Variants in SDK1 observed in about 807,000 individuals in gnomAD.
SDK1 encodes sidekick cell adhesion molecule 1.
SDK1 carries 157 observed loss-of-function variants against 245.5 expected under a neutral mutation model. That is an observed-to-expected ratio of 0.64 (90% CI 0.56 to 0.73). The LOEUF (loss-of-function observed/expected upper bound fraction) is 0.73, where lower values mean the gene tolerates loss of function less well. Ranked by LOEUF, SDK1 falls within the 30% of genes least tolerant of loss-of-function variation. SDK1 has a pLI of 0.00. For missense variants in SDK1, 3,583 were observed against 3,002.3 expected (o/e 1.19, Z -4.52); for synonymous variants, 1,647 against 1,278.5 (o/e 1.29, Z -6.15).
chr7:4,146,900 A>G (rs977552909), intron 29 of SDK1, among the ~76,000 whole-genome samples: 1 of 152,126 alleles, frequency 6.6e-6, no homozygotes, highest in African/African-American at 2.4e-5. Flanking sequence ...CAGACACACA[A>G]CTGCAGAGCT....
chr7:3,494,916 A>G (rs773152869), intron 1 of SDK1, among the ~76,000 whole-genome samples: 6 of 152,182 alleles, frequency 3.9e-5, no homozygotes, highest in African/African-American at 7.2e-5. Context: ...CCTTCTCTCT[A>G]TCTGCAACCA....
intron 5 of SDK1, among the ~76,000 whole-genome samples, chr7:3,938,408 C>T (rs1007228341): frequency 5.9e-5 from 9 of 152,052 alleles, no homozygotes; most frequent in African/African-American, 1.2e-4. Flanking sequence ...TTTGGGAGGC[C>T]GAGGCGGGAG....
intron 4 of SDK1, among the ~76,000 whole-genome samples, chr7:3,648,597 T>C (rs566545465): frequency 6.6e-6 from 1 of 152,374 alleles, no homozygotes; most frequent in East Asian, 1.9e-4. Context: ...CATTTCAATT[T>C]CTTCAAGAAA....
chr7:4,204,802 G>C (rs566642119), intron 35 of SDK1, among the ~76,000 whole-genome samples: 8 of 152,320 alleles, frequency 5.3e-5, no homozygotes, highest in Non-Finnish European at 8.8e-5. Flanking sequence ...ATGGACAGCC[G>C]GGAGAGCCCC....
intron 5 of SDK1, among the ~76,000 whole-genome samples, chr7:3,854,532 C>A (rs1321357983): frequency 2.0e-5 from 3 of 152,116 alleles, no homozygotes; most frequent in Non-Finnish European, 4.4e-5. Context: ...CACAGAGCAA[C>A]CATATTCCGT....
intron 4 of SDK1, among the ~76,000 whole-genome samples, chr7:3,684,947 A>C (rs1024813443): frequency 1.3e-5 from 2 of 152,162 alleles, no homozygotes; most frequent in African/African-American, 4.8e-5. Flanking sequence ...TGAACAACTA[A>C]GAAAAAATAG....
chr7:3,706,494 T>C (rs1258126582), intron 4 of SDK1, among the ~76,000 whole-genome samples: 1 of 152,172 alleles, frequency 6.6e-6, no homozygotes, highest in African/African-American at 2.4e-5. Flanking sequence ...CTCCGCCTCC[T>C]GGGTTCACAC....
intron 4 of SDK1, among the ~76,000 whole-genome samples, chr7:3,737,814 C>G (rs959883566): frequency 3.3e-5 from 5 of 152,232 alleles, no homozygotes; most frequent in Admixed American, 1.3e-4. Context: ...CTCTTTTTCC[C>G]TACTGGAAAA....
At chr7:3,484,116 G>C (rs1781603134) in intron 1 of SDK1, among the ~76,000 whole-genome samples, 1 of 152,118 alleles carries the variant, frequency 6.6e-6, no homozygotes, top group South Asian at 2.1e-4. Context: ...CAGTATATGT[G>C]AGGGGTTGAT....
At chr7:3,551,238 C>T (rs182279983) in intron 1 of SDK1, among the ~76,000 whole-genome samples, 193 of 152,312 alleles carry the variant, frequency 1.3e-3, no homozygotes, top group Non-Finnish European at 2.2e-3. Flanking sequence ...TTTATTAATA[C>T]AGGTCATATA....
intron 1 of SDK1, among the ~76,000 whole-genome samples, chr7:3,608,431 T>C (rs896518426): frequency 2.0e-5 from 3 of 152,184 alleles, no homozygotes; most frequent in African/African-American, 4.8e-5. Context: ...TTGCAGGATT[T>C]TCTTGAAAAT....
At position 3,301,293 on chromosome 7, in the gene SDK1, GGC is replaced by G. The variant is rs1779243443; in HGVS notation, c.-293_-292del. Reference sequence around the variant, plus strand: ...GCCGGGCGGGGGCGGCGGCGGCGGCGGCTCCTCCGCGCCCGGCGGACCCCTCG... The same window carrying G: ...GCCGGGCGGGGGCGGCGGCGGCGGCGTCCTCCGCGCCCGGCGGACCCCTCG... On this transcript the variant is annotated 5_prime_UTR_variant, in exon 1 of 45. Coordinates refer to ENST00000404826, the MANE Select transcript of SDK1 (RefSeq NM_152744.4). Among the ~76,000 whole-genome samples, 2 of 146,122 alleles carry G rather than the reference GGC, an allele frequency of 1.4e-5. No individual in the cohort carries two copies. Among genetic ancestry groups the G allele is most frequent in the African/African-American group, 5.0e-5 (2 of 40,324 alleles).
intron 4 of SDK1, among the ~76,000 whole-genome samples, chr7:3,765,522 C>T (rs905963122): frequency 8.5e-5 from 13 of 152,168 alleles, no homozygotes; most frequent in African/African-American, 1.2e-4. Context: ...TTCCTTTTAA[C>T]GCTAGTTCTC....
At chr7:3,379,955 C>G (rs1356844950) in intron 1 of SDK1, among the ~76,000 whole-genome samples, 1 of 152,116 alleles carries the variant, frequency 6.6e-6, no homozygotes, top group East Asian at 1.9e-4. Context: ...TCCAAAAATC[C>G]AAAGGCTCTC....
chr7:3,971,651 TTGGGGGAA>T, intron 12 of SDK1, 83 bp downstream of exon 12: 1 of 1,023,258 alleles, frequency 9.8e-7, no homozygotes, highest in Non-Finnish European at 1.5e-6. Context: ...GGAGGAAGAA[TTGGGGGAA>T]CTTTTGATTT....
intron 4 of SDK1, among the ~76,000 whole-genome samples, chr7:3,741,849 C>CGT (rs931463600): frequency 3.9e-5 from 6 of 151,932 alleles, no homozygotes; most frequent in African/African-American, 1.5e-4. Flanking sequence ...TGTGTATATA[C>CGT]GTGTGTGTGG....
chr7:3,737,911 T>C (rs1353964633), intron 4 of SDK1, among the ~76,000 whole-genome samples: 1 of 152,220 alleles, frequency 6.6e-6, no homozygotes, highest in East Asian at 1.9e-4. Context: ...CCACTCTTCT[T>C]ACCCTTCTAA....
chr7:3,645,456 ATG>A (rs1376113903), intron 4 of SDK1, among the ~76,000 whole-genome samples: 1 of 152,204 alleles, frequency 6.6e-6, no homozygotes, highest in African/African-American at 2.4e-5. Context: ...CAGTATGGAT[ATG>A]TGTTTTTCTC....
chr7:3,654,575 C>CT (rs1407533722), intron 4 of SDK1, among the ~76,000 whole-genome samples: 5 of 152,206 alleles, frequency 3.3e-5, no homozygotes, highest in Non-Finnish European at 7.3e-5. Flanking sequence ...CGCAGTTGGA[C>CT]TTAATGAAGG....
Sources: gnomAD v4.1 joint callset for allele counts (sites outside exome capture counted in the v4.1 genomes callset) on GRCh38, gnomAD v4.1.1 for gene constraint, MANE v1.5 for transcripts, NCBI Gene and HGNC (gene_info 2026-07-23, HGNC 2026-07-21) for gene names.